The following OOEP variants were observed in gnomAD, a reference collection of about 807,000 sequenced individuals.
The protein encoded by OOEP is oocyte-expressed protein homolog.
OOEP carries 16 observed loss-of-function variants against 13.7 expected under a neutral mutation model. That is an observed-to-expected ratio of 1.16 (90% CI 0.79 to 1.77). The LOEUF is 1.77. OOEP is among the 40% of genes most tolerant of loss of function. The pLI, the probability that OOEP is intolerant of heterozygous loss-of-function variation, is 0.00. For synonymous variants in OOEP, 89 were observed against 77.1 expected (o/e 1.15, Z -0.81); for missense variants, 195 against 193.1 (o/e 1.01, Z -0.06).
At chr6:73,371,865 TTGCAGTGAGCCAAAA>T (rs1448347979), upstream of OOEP, among the ~76,000 whole-genome samples, 6 of 152,004 alleles carry the variant, frequency 3.9e-5, no homozygotes, top group Non-Finnish European at 8.8e-5. Context: ...GAGGCAGAGG[TTGCAGTGAGCCAAAA>T]TGGCACCACT....
upstream of OOEP, among the ~76,000 whole-genome samples, chr6:73,372,847 C>T (rs1334581206): frequency 6.6e-6 from 1 of 151,758 alleles, no homozygotes. Context: ...CCAGAGCAAA[C>T]TGACGTTTCA....
chr6:73,376,044 A>C (rs1769133605), intron 2 of OOEP, among the ~76,000 whole-genome samples: 2 of 152,044 alleles, frequency 1.3e-5, no homozygotes, highest in Non-Finnish European at 2.9e-5. Flanking sequence ...TCAGCCTCCA[A>C]AAGTGTTGTG....
intron 2 of OOEP, among the ~76,000 whole-genome samples, chr6:73,386,214 C>T (rs1452825623): frequency 2.0e-5 from 3 of 151,930 alleles, no homozygotes; most frequent in Non-Finnish European, 4.4e-5. Context: ...CCTGCCCCAG[C>T]GGCCTGAGTA....
chr6:73,393,554 T>C (rs1433108325), intron 2 of OOEP, among the ~76,000 whole-genome samples: 1 of 152,170 alleles, frequency 6.6e-6, no homozygotes, highest in Non-Finnish European at 1.5e-5. Context: ...TCTAAAATTA[T>C]GGCAGGCCAG....
At chr6:73,368,994 G>C (rs1768999847) in intron 2 of OOEP, 131 bp from the exon 3 acceptor site, 1 of 813,348 alleles carries the variant, frequency 1.2e-6, no homozygotes, top group South Asian at 1.6e-5. Context: ...AGGCTGACTT[G>C]GGCAGTGATG....
rs70994194 is a variant in OOEP at position 73,376,344 on chromosome 6, G to GTTTTTTTTT, written c.26-6968_26-6960dup. ...TCGCAGCTGTTTTGGACAAGGGGTT[G>GTTTTTTTTT]TTTTTTTTTTTTTTTTTTTTTTTTT... On this transcript the variant is annotated intron_variant, in intron 2 of 3. Transcript: ENST00000370363. Among the ~76,000 whole-genome samples, 782 of 103,392 alleles carry GTTTTTTTTT rather than the reference G, an allele frequency of 7.6e-3. 73 individuals are homozygous for GTTTTTTTTT. Among genetic ancestry groups the GTTTTTTTTT allele is most frequent in the African/African-American group, 0.018 (453 of 25,188 alleles). The allele number at this position is 103,392 out of a possible 152,430, so 67.8% of individuals were successfully genotyped here. A position where few individuals can be genotyped will look rare whatever the true frequency, so the allele number is the denominator to read the frequency against.
chr6:73,386,946 C>A (rs1345611079), intron 2 of OOEP, among the ~76,000 whole-genome samples: 1 of 127,474 alleles, frequency 7.8e-6, no homozygotes, highest in Non-Finnish European at 1.6e-5. Context: ...CCAGCCTGAG[C>A]CACAAGAGTT....
chr6:73,375,215 T>G (rs1390526297), intron 2 of OOEP, among the ~76,000 whole-genome samples: 2 of 152,168 alleles, frequency 1.3e-5, no homozygotes, highest in African/African-American at 4.8e-5. Flanking sequence ...TTCTAACCAT[T>G]TCTAGAATCC....
At chr6:73,375,556 G>T (rs1391032480) in intron 2 of OOEP, among the ~76,000 whole-genome samples, 7 of 148,566 alleles carry the variant, frequency 4.7e-5, no homozygotes. Flanking sequence ...CTCCAGCCTG[G>T]ACTCTCTTTT....
At chr6:73,369,139 G>A (rs2150778044) in intron 2 of OOEP, 67 bp downstream of exon 2, 2 of 1,487,602 alleles carry the variant, frequency 1.3e-6, no homozygotes, top group Non-Finnish European at 1.8e-6. Context: ...AGGATGGAAG[G>A]AAACCGAGCA....
At chr6:73,388,986 G>A (rs1189823361) in intron 2 of OOEP, among the ~76,000 whole-genome samples, 2 of 152,062 alleles carry the variant, frequency 1.3e-5, no homozygotes, top group African/African-American at 2.4e-5. Flanking sequence ...CCCACATTGG[G>A]GGTACTCGCT....
intron 2 of OOEP, among the ~76,000 whole-genome samples, chr6:73,386,091 CTT>C (rs553140658): frequency 9.6e-5 from 13 of 134,778 alleles, no homozygotes; most frequent in Non-Finnish European, 9.6e-5. Context: ...ACATGCTTTT[CTT>C]TTTTTTTTTT....
intron 2 of OOEP, among the ~76,000 whole-genome samples, 168 bp downstream of exon 2, chr6:73,369,038 C>G (rs897336552): frequency 2.6e-5 from 4 of 152,180 alleles, no homozygotes; most frequent in African/African-American, 4.8e-5. Context: ...CTGACTTTCC[C>G]AAGGTCCTAC....
chr6:73,381,461 T>G (rs1215547813), intron 2 of OOEP, among the ~76,000 whole-genome samples: 1 of 152,214 alleles, frequency 6.6e-6, no homozygotes, highest in East Asian at 1.9e-4. Context: ...AATCTCAAAA[T>G]TGAAAGCTAG....
intron 2 of OOEP, among the ~76,000 whole-genome samples, chr6:73,382,270 T>C (rs562698525): frequency 7.3e-6 from 1 of 136,426 alleles, no homozygotes; most frequent in East Asian, 2.2e-4. Context: ...CAGGCTGGAG[T>C]GTAGTGGCGT....
At position 73,369,874 on chromosome 6, in the gene OOEP, CT is replaced by C; in HGVS notation, c.-83del. 2 of 1,352,728 alleles carry C rather than the reference CT, an allele frequency of 1.5e-6. No homozygotes were observed. Among genetic ancestry groups the C allele is most frequent in the Non-Finnish European group, 2.1e-6 (2 of 972,542 alleles). The allele number at this position is 1,352,728 out of a possible 1,614,324, so 83.8% of individuals were successfully genotyped here. A position where few individuals can be genotyped will look rare whatever the true frequency, so the allele number is the denominator to read the frequency against. On this transcript the variant is annotated 5_prime_UTR_variant, in exon 1 of 3. Transcript: ENST00000370359. ...GACCCAGGCGCGAAGCTCGGGCTCT[CT>C]TTTACCATATTCGACCCGCTCCGCC...
chr6:73,370,219 T>G (rs1435507587), upstream of OOEP: 1 of 180,178 alleles, frequency 5.6e-6, no homozygotes, highest in African/African-American at 2.3e-5. Context: ...CTCCCAAAGA[T>G]AGGTATATCG....
chr6:73,370,936 C>T (rs2150778781), upstream of OOEP, among the ~76,000 whole-genome samples: 1 of 152,150 alleles, frequency 6.6e-6, no homozygotes, highest in Non-Finnish European at 1.5e-5. Context: ...CACCTGCCAC[C>T]ACACCCAGCT....
upstream of OOEP, chr6:73,395,100 C>G (rs771247642): frequency 2.5e-6 from 4 of 1,614,122 alleles, no homozygotes; most frequent in Non-Finnish European, 2.5e-6. Flanking sequence ...CCGCTGGTCA[C>G]GAGGAACTGC....
Sources: allele counts gnomAD v4.1 joint callset (sites outside exome capture counted in the v4.1 genomes callset), GRCh38; gene constraint gnomAD v4.1.1; transcripts MANE v1.5; gene names NCBI Gene and HGNC (gene_info 2026-07-23, HGNC 2026-07-21).